Variants in STRN observed in about 807,000 individuals in gnomAD.
STRN encodes protein phosphatase 2 regulatory subunit B'''alpha.
In STRN, 53 loss-of-function variants were observed where a neutral mutation model predicts 96.3. The observed-to-expected ratio is 0.55, with a 90% confidence interval of 0.44 to 0.69. The LOEUF is 0.69. STRN is among the 30% of genes least tolerant of loss of function. STRN has a pLI of 0.00. For missense variants in STRN, 987 were observed against 963.9 expected (o/e 1.02, Z -0.32); for synonymous variants, 428 against 355.9 (o/e 1.20, Z -2.28).
At chr2:36,945,327 C>G (rs570727076) in intron 1 of STRN, among the ~76,000 whole-genome samples, 4 of 152,134 alleles carry the variant, frequency 2.6e-5, no homozygotes, top group Non-Finnish European at 4.4e-5. Context: ...ATTCTCTGTA[C>G]CTGAGTTCAA....
intron 7 of STRN, among the ~76,000 whole-genome samples, chr2:36,892,144 A>T (rs969706385): frequency 6.6e-6 from 1 of 152,200 alleles, no homozygotes; most frequent in Non-Finnish European, 1.5e-5. Context: ...ATTTATCCTA[A>T]GTAAATTAAC....
At chr2:36,964,814 G>C (rs1278676070) in intron 1 of STRN, among the ~76,000 whole-genome samples, 1 of 152,194 alleles carries the variant, frequency 6.6e-6, no homozygotes, top group African/African-American at 2.4e-5. Flanking sequence ...TTGCTGGACT[G>C]TTTGCCTCTC....
At chr2:36,908,595 A>G (rs968941273) in intron 3 of STRN, among the ~76,000 whole-genome samples, 2 of 152,200 alleles carry the variant, frequency 1.3e-5, no homozygotes, top group South Asian at 2.1e-4. Context: ...TTATATCTTA[A>G]TAAGAATCAA....
chr2:36,963,185 C>T (rs1444629096), intron 1 of STRN, among the ~76,000 whole-genome samples: 1 of 152,134 alleles, frequency 6.6e-6, no homozygotes, highest in African/African-American at 2.4e-5. Context: ...CTCCCAAGAT[C>T]TGAAGGAGGG....
In STRN at chr2:36,838,611, T is replaced by C. The variant is rs904368727; in HGVS notation, c.*10845A>G. ...ATTAAGGGAAAAGTGTTTTTATACA[T>C]TTACTGATGGAAATAAAAACTGTTC... On this transcript the variant is annotated 3_prime_UTR_variant, in exon 18 of 18. Coordinates refer to ENST00000263918, the MANE Select transcript of STRN (RefSeq NM_003162.4). Among the ~76,000 whole-genome samples the C allele has an allele frequency of 6.6e-6, 1 of 152,172 alleles. No homozygotes were observed. The highest frequency in any genetic ancestry group is 6.5e-5 in the Admixed American group (1 of 15,280).
chr2:36,965,458 A>G (rs571187408), intron 1 of STRN, among the ~76,000 whole-genome samples: 7 of 152,352 alleles, frequency 4.6e-5, no homozygotes, highest in South Asian at 4.1e-4. Context: ...CTAACTTCAA[A>G]GTCCCTTTAG....
intron 5 of STRN, 55 bp from the exon 6 acceptor site, chr2:36,899,713 AAGTAAC>A: frequency 6.8e-7 from 1 of 1,480,798 alleles, no homozygotes; most frequent in Non-Finnish European, 9.1e-7. Flanking sequence ...TCGACATAAG[AAGTAAC>A]CCATGATATG....
rs1251641890 is a variant in STRN at position 36,838,653 on chromosome 2, C to A, written c.*10803G>T. ...AAACTGTTCCGGCCACTTTGGGAAA[C>A]AATCTGTCAATATTTATTTAAAAAT... is the stretch of plus-strand genomic sequence containing the variant. On this transcript the variant is annotated 3_prime_UTR_variant, in exon 18 of 18. Coordinates refer to ENST00000263918, the MANE Select transcript of STRN (RefSeq NM_003162.4). Among the ~76,000 whole-genome samples the A allele has an allele frequency of 6.6e-6, 1 of 152,128 alleles. No homozygotes were observed. Among genetic ancestry groups the A allele is most frequent in the Non-Finnish European group, 1.5e-5 (1 of 68,018 alleles).
Position 36,886,769 on chromosome 2 carries a change from G to C in STRN, c.989C>G (p.Thr330Ser), listed in dbSNP as rs757142057. The C allele has an allele frequency of 1.9e-6, 3 of 1,612,958 alleles. No individual in the cohort carries two copies. The highest frequency in any genetic ancestry group is 2.5e-6 in the Non-Finnish European group (3 of 1,179,574). The change falls in exon 8 of 18, where the codon ACC (threonine) becomes AGC (serine). Residue 330 changes from threonine (T) to serine (S), a missense_variant. Coordinates refer to ENST00000263918, the MANE Select transcript of STRN (RefSeq NM_003162.4). ...EAWNVDQGVI[T>S]KLKEQYKKER... Reference sequence around the variant, plus strand: ...CTTTTTGTATTGTTCCTTGAGTTTGGTAATTACTCCCTGGTCCACATTCCA... The same window carrying C: ...CTTTTTGTATTGTTCCTTGAGTTTGCTAATTACTCCCTGGTCCACATTCCA...
At chr2:36,902,812 T>C in intron 4 of STRN, 61 bp from the exon 5 acceptor site, 1 of 1,377,774 alleles carries the variant, frequency 7.3e-7, no homozygotes, top group Non-Finnish European at 9.8e-7. Flanking sequence ...TAATTTAATA[T>C]GTAAATAAAA....
intron 1 of STRN, among the ~76,000 whole-genome samples, chr2:36,925,980 A>G (rs1670399135): frequency 6.6e-6 from 1 of 152,018 alleles, no homozygotes; most frequent in Admixed American, 6.6e-5. Flanking sequence ...TTTATTTTGG[A>G]CCTCCCCTAC....
intron 1 of STRN, among the ~76,000 whole-genome samples, chr2:36,946,167 G>A (rs960461886): frequency 6.7e-6 from 1 of 149,696 alleles, no homozygotes; most frequent in African/African-American, 2.5e-5. Context: ...ATTTCCAGTT[G>A]ATTTTTTCCA....
chr2:36,929,690 A>G (rs1166466222), intron 1 of STRN, among the ~76,000 whole-genome samples: 1 of 152,070 alleles, frequency 6.6e-6, no homozygotes. Context: ...GCCTTATTGA[A>G]GCCATTTTAA....
chr2:36,902,861 G>A lies in STRN; in HGVS notation c.492-110C>T. ...CTCATTGCCTGCATAAGACTTAACA[G>A]TACAGTACTATGCTAGTAAGACTTG... On this transcript the variant is annotated intron_variant, in intron 4 of 17. Transcript: ENST00000263918. The A allele has an allele frequency of 8.0e-6, 7 of 869,604 alleles. No individual in the cohort carries two copies. The South Asian group carries it at 1.6e-4, about 20-fold the overall frequency. The allele number at this position is 869,604 out of a possible 1,614,324, so 53.9% of individuals were successfully genotyped here.
intron 6 of STRN, 43 bp downstream of exon 6, chr2:36,899,480 T>C (rs1403042597): frequency 1.7e-5 from 26 of 1,568,886 alleles, no homozygotes; most frequent in Admixed American, 5.8e-5. Flanking sequence ...GTATGTATTA[T>C]AGTCCCTAAA....
At chr2:36,883,089 A>G (rs763525559) in intron 9 of STRN, among the ~76,000 whole-genome samples, 1 of 152,186 alleles carries the variant, frequency 6.6e-6, no homozygotes, top group Non-Finnish European at 1.5e-5. Context: ...AGAACACAAA[A>G]TAGAATTATT....
At chr2:36,927,790 A>G (rs1323360087) in intron 1 of STRN, among the ~76,000 whole-genome samples, 1 of 152,270 alleles carries the variant, frequency 6.6e-6, no homozygotes, top group Non-Finnish European at 1.5e-5. Context: ...GATATAAACC[A>G]GTTTCACTTT....
intron 1 of STRN, among the ~76,000 whole-genome samples, chr2:36,952,964 C>T (rs185079599): frequency 6.6e-6 from 1 of 152,172 alleles, no homozygotes; most frequent in African/African-American, 2.4e-5. Flanking sequence ...GGAACAAATC[C>T]CAGAATGGGC....
chr2:36,946,963 T>A (rs993391685), intron 1 of STRN, among the ~76,000 whole-genome samples: 3 of 152,134 alleles, frequency 2.0e-5, no homozygotes, highest in Admixed American at 6.5e-5. Flanking sequence ...TGGTGAGATT[T>A]CGGCTCACTG....
Sources: gnomAD v4.1 joint callset for allele counts (sites outside exome capture counted in the v4.1 genomes callset) on GRCh38, gnomAD v4.1.1 for gene constraint, MANE v1.5 for transcripts, NCBI Gene and HGNC (gene_info 2026-07-23, HGNC 2026-07-21) for gene names.